The following ARHGAP23 variants were observed in gnomAD, a reference collection of about 807,000 sequenced individuals.
ARHGAP23 encodes rho GTPase-activating protein 23.
A neutral mutation model predicts 136.3 loss-of-function variants in ARHGAP23; 34 were observed. That is an observed-to-expected ratio of 0.25 (90% CI 0.19 to 0.33). The LOEUF is 0.33. Ranked by LOEUF, ARHGAP23 falls within the 10% of genes least tolerant of loss-of-function variation. ARHGAP23 has a pLI of 1.00. For synonymous variants in ARHGAP23, 832 were observed against 920.5 expected, an observed-to-expected ratio of 0.90 and a Z score of 1.74; for missense variants, 1,808 against 2,139.0, an observed-to-expected ratio of 0.85 and a Z score of 3.05.
intron 14 of ARHGAP23, among the ~76,000 whole-genome samples, chr17:38,480,201 G>A (rs2040001754): frequency 6.6e-6 from 1 of 152,136 alleles, no homozygotes; most frequent in African/African-American, 2.4e-5. Context: ...ACCTTTGGCT[G>A]TTAGAAAGTT....
intron 1 of ARHGAP23, among the ~76,000 whole-genome samples, chr17:38,441,415 C>T (rs2038917316): frequency 6.6e-6 from 1 of 152,180 alleles, no homozygotes; most frequent in African/African-American, 2.4e-5. Context: ...TCTCTTCTCT[C>T]TTTCCCCCTT....
intron 1 of ARHGAP23, among the ~76,000 whole-genome samples, chr17:38,454,987 CTG>C (rs1355017532): frequency 6.6e-6 from 1 of 152,218 alleles, no homozygotes; most frequent in Non-Finnish European, 1.5e-5. Context: ...AGCAATGTCC[CTG>C]TGTCCCCTGA....
In ARHGAP23 at chr17:38,466,898, G is replaced by T; in HGVS notation, c.1215G>T (p.Pro405=). 1 of 1,550,272 alleles carries T rather than the reference G, an allele frequency of 6.5e-7. No homozygotes were observed. The highest frequency in any genetic ancestry group is 1.7e-4 in the Middle Eastern group (1 of 5,992). Residue 405 remains proline (P), a synonymous_variant, in exon 7 of 24, where the codon CCG becomes CCT. Coordinates refer to ENST00000622683, the MANE Select transcript of ARHGAP23 (RefSeq NM_001199417.2). Reference sequence around the variant, plus strand: ...TGCCAGGGCCCCAGGCCCCACCCCCGTCTGGCCTGCAGGGCCTGGATGACC... The same window carrying T: ...TGCCAGGGCCCCAGGCCCCACCCCCTTCTGGCCTGCAGGGCCTGGATGACC... The part of the protein sequence containing the change: ...RDLPGPQAPP[P]SGLQGLDDLG...
intron 1 of ARHGAP23, among the ~76,000 whole-genome samples, chr17:38,420,805 T>C (rs1158039021): frequency 6.9e-6 from 1 of 144,824 alleles, no homozygotes; most frequent in African/African-American, 2.5e-5. Flanking sequence ...GCTGCTATTG[T>C]CATTACTGAC....
chr17:38,477,713 C>T lies in ARHGAP23; in HGVS notation c.2253C>T (p.Asp751=), dbSNP rs758690451. The change falls in exon 12 of 24, where the codon GAC becomes GAT. Residue 751 remains aspartate, a synonymous_variant. Coordinates refer to ENST00000622683, the MANE Select transcript of ARHGAP23 (RefSeq NM_001199417.2). The surrounding 1 kb of genome is among the most constrained non-coding windows in gnomAD (Gnocchi z 6.6). ...AGAAAAGAGE[D]EAAPVCIGSC... Reference sequence around the variant, plus strand: ...CTGCGGCGGCCGGCGCAGGTGAGGACGAGGCGGCGCCCGTCTGCATCGGCT... The same window carrying T: ...CTGCGGCGGCCGGCGCAGGTGAGGATGAGGCGGCGCCCGTCTGCATCGGCT... The T allele has an allele frequency of 5.8e-6, 9 of 1,538,784 alleles. No homozygotes were observed. In the Admixed American group the frequency reaches 5.9e-5, roughly 10 times the overall value.
At chr17:38,452,716 GTGATTACACAT>G (rs962191991) in intron 1 of ARHGAP23, among the ~76,000 whole-genome samples, 2 of 152,226 alleles carry the variant, frequency 1.3e-5, no homozygotes, top group African/African-American at 4.8e-5. Flanking sequence ...AATGGTGATG[GTGATTACACAT>G]CCACTAGCCA....
intron 1 of ARHGAP23, among the ~76,000 whole-genome samples, chr17:38,419,815 A>G (rs2038501471): frequency 1.3e-5 from 2 of 152,052 alleles, no homozygotes; most frequent in Admixed American, 1.3e-4. Context: ...GTGCCATATG[A>G]CTACTGGTTC....
intron 1 of ARHGAP23, among the ~76,000 whole-genome samples, chr17:38,446,563 A>G (rs939510327): frequency 1.3e-5 from 2 of 151,214 alleles, no homozygotes; most frequent in African/African-American, 4.9e-5. Context: ...TTGTGGATAT[A>G]TACCCAGAAG....
In ARHGAP23 at chr17:38,466,787, G is replaced by A; in HGVS notation, c.1104G>A (p.Gly368=). Residue 368 remains glycine, a synonymous_variant, in exon 7 of 24, where the codon GGG becomes GGA. Coordinates refer to ENST00000622683, the MANE Select transcript of ARHGAP23 (RefSeq NM_001199417.2). ...GTTCTGCCGAGGCACTGGGGCCAGG[G>A]GCACTGGTGTCACCCCGCTTTGAGC... ...ATRSAEALGP[G]ALVSPRFERC... The A allele has an allele frequency of 6.5e-7, 1 of 1,549,282 alleles. No homozygotes were observed. Among genetic ancestry groups the A allele is most frequent in the Non-Finnish European group, 8.7e-7 (1 of 1,146,448 alleles).
upstream of ARHGAP23, among the ~76,000 whole-genome samples, chr17:38,424,451 T>G (rs955652710): frequency 6.6e-6 from 1 of 152,058 alleles, no homozygotes; most frequent in Non-Finnish European, 1.5e-5. Flanking sequence ...CCACACCCAC[T>G]GGCCCCCGAG....
chr17:38,429,562 G>A (rs1321275593), intron 1 of ARHGAP23, among the ~76,000 whole-genome samples: 1 of 152,214 alleles, frequency 6.6e-6, no homozygotes, highest in East Asian at 1.9e-4. Flanking sequence ...TGTTGAAGGT[G>A]GGATCTGGTG....
At chr17:38,429,135 C>T (rs1243708383) in intron 1 of ARHGAP23, among the ~76,000 whole-genome samples, 1 of 152,230 alleles carries the variant, frequency 6.6e-6, no homozygotes, top group Non-Finnish European at 1.5e-5. Context: ...GACACAGGCC[C>T]AGGACCCCGG....
In ARHGAP23 at chr17:38,466,721, G is replaced by T; in HGVS notation, c.1038G>T (p.Trp346Cys). 6.5e-7 allele frequency: 1 copy of T among 1,539,692 alleles called. No homozygotes were observed. ...TGAGCCAGCTGGGCCAGGAGGGCTGGCACCGAGCTCGCTCAGATGACTACT... is the reference window on the plus strand; with the variant it reads ...TGAGCCAGCTGGGCCAGGAGGGCTGTCACCGAGCTCGCTCAGATGACTACT... ...DALSQLGQEGWHRARSDDYLS... is the reference protein window; with the variant it reads ...DALSQLGQEGCHRARSDDYLS... The change falls in exon 7 of 24, where the codon TGG becomes TGT. Residue 346 changes from tryptophan (W) to cysteine (C), a missense_variant. Physicochemically the swap from Trp to Cys is radical, Grantham distance 215 (BLOSUM62 -2). Around this residue, in one of 7 missense-constraint regions of ARHGAP23, gnomAD observed 859 missense variants for 936.4 expected, o/e 0.92. Coordinates refer to ENST00000622683, the MANE Select transcript of ARHGAP23 (RefSeq NM_001199417.2).
chr17:38,435,816 G>T (rs1018606340), intron 1 of ARHGAP23, among the ~76,000 whole-genome samples: 9 of 152,168 alleles, frequency 5.9e-5, no homozygotes, highest in African/African-American at 2.2e-4. Context: ...GGTCAGGCTG[G>T]TCTCAAACTC....
intron 21 of ARHGAP23, 59 bp from the exon 22 acceptor site, chr17:38,498,355 G>T: frequency 1.4e-6 from 2 of 1,390,908 alleles, no homozygotes; most frequent in Non-Finnish European, 2.0e-6. Context: ...ACCCCCCTCT[G>T]GGGGGTTGGC....
chr17:38,428,460 G>A, upstream of ARHGAP23: 10 of 1,417,528 alleles, frequency 7.1e-6, no homozygotes, highest in Non-Finnish European at 9.2e-6. Flanking sequence ...GCCGTGCCCC[G>A]GCCGCAGAGC....
chr17:38,509,051 CG>C (rs1365276868), intron 23 of ARHGAP23, among the ~76,000 whole-genome samples: 2 of 75,066 alleles, frequency 2.7e-5, no homozygotes, highest in African/African-American at 1.1e-4. Flanking sequence ...AGGGGCGGGG[CG>C]GGGGGCGGGC....
chr17:38,426,649 G>T (rs543638773), upstream of ARHGAP23, among the ~76,000 whole-genome samples: 2 of 151,930 alleles, frequency 1.3e-5, no homozygotes, highest in Admixed American at 6.6e-5. Flanking sequence ...GGCTGCACAT[G>T]ACCTTGATAA....
intron 19 of ARHGAP23, among the ~76,000 whole-genome samples, chr17:38,491,062 G>T (rs1280848865): frequency 6.9e-6 from 1 of 145,678 alleles, no homozygotes; most frequent in African/African-American, 2.5e-5. Flanking sequence ...GGGATTACAG[G>T]CACCTGGAAG....
Sources: allele counts gnomAD v4.1 joint callset (sites outside exome capture counted in the v4.1 genomes callset), GRCh38; gene constraint gnomAD v4.1.1; regional missense constraint gnomAD v4.1.1; non-coding constraint Gnocchi (gnomAD v3.1); transcripts MANE v1.5; gene names NCBI Gene and HGNC (gene_info 2026-07-23, HGNC 2026-07-21).